TNIK: variants seen among roughly 807,000 people sequenced by gnomAD.
The protein encoded by TNIK is TRAF2 and NCK-interacting protein kinase.
A neutral mutation model predicts 191.3 loss-of-function variants in TNIK; 49 were observed. The observed-to-expected ratio is 0.26, with a 90% CI of 0.20 to 0.32. The LOEUF (loss-of-function observed/expected upper bound fraction) is 0.32, where lower values mean the gene tolerates loss of function less well. TNIK is among the 10% of genes least tolerant of loss of function. TNIK has a pLI of 1.00. For synonymous variants in TNIK, 594 were observed against 600.9 expected, an observed-to-expected ratio of 0.99 and a Z score of 0.17; for missense variants, 1,155 against 1,702.3, an observed-to-expected ratio of 0.68 and a Z score of 5.66.
chr3:171,290,928 G>T (rs914218422), intron 2 of TNIK, among the ~76,000 whole-genome samples: 1 of 152,206 alleles, frequency 6.6e-6, no homozygotes, highest in East Asian at 1.9e-4. Flanking sequence ...AATGATCAAC[G>T]ATCTTAGTAT....
intron 1 of TNIK, among the ~76,000 whole-genome samples, chr3:171,382,323 C>T (rs1718152643): frequency 6.7e-6 from 1 of 148,400 alleles, no homozygotes; most frequent in Non-Finnish European, 1.5e-5. Context: ...CGGGCTCAAG[C>T]AATTCTTCTG....
intron 2 of TNIK, among the ~76,000 whole-genome samples, chr3:171,297,154 C>T (rs1443751162): frequency 6.6e-6 from 1 of 152,136 alleles, no homozygotes; most frequent in Non-Finnish European, 1.5e-5. Context: ...GATAACTCCC[C>T]TTTCCAAAAG....
intron 2 of TNIK, among the ~76,000 whole-genome samples, chr3:171,292,058 C>T (rs1751747604): frequency 6.6e-6 from 1 of 152,146 alleles, no homozygotes; most frequent in Non-Finnish European, 1.5e-5. Context: ...ATTTTTAGAT[C>T]TAAGATTTCC....
intron 2 of TNIK, among the ~76,000 whole-genome samples, chr3:171,270,629 T>C (rs923832645): frequency 1.3e-5 from 2 of 152,172 alleles, no homozygotes; most frequent in Non-Finnish European, 2.9e-5. Context: ...TTTCCTGAAA[T>C]ACCCATCCCC....
chr3:171,272,016 G>T (rs539236381), intron 2 of TNIK, among the ~76,000 whole-genome samples: 1 of 152,272 alleles, frequency 6.6e-6, no homozygotes, highest in Admixed American at 6.5e-5. Context: ...TTTCTTTCTG[G>T]GAAGTTCAGG....
At chr3:171,345,398 A>G (rs1249619782) in intron 2 of TNIK, among the ~76,000 whole-genome samples, 1 of 152,172 alleles carries the variant, frequency 6.6e-6, no homozygotes, top group Non-Finnish European at 1.5e-5. Flanking sequence ...GCCACTTGAC[A>G]AAGAGCAAGC....
At chr3:171,357,198 T>A (rs1205682508) in intron 2 of TNIK, among the ~76,000 whole-genome samples, 2 of 152,224 alleles carry the variant, frequency 1.3e-5, no homozygotes, top group African/African-American at 4.8e-5. Flanking sequence ...TTATATTTTG[T>A]GTCAGTCTCC....
intron 10 of TNIK, among the ~76,000 whole-genome samples, chr3:171,162,678 T>A (rs948741081): frequency 2.6e-5 from 4 of 152,254 alleles, no homozygotes; most frequent in Admixed American, 2.0e-4. Context: ...CTAGATATTT[T>A]ACTCTGTTCT....
chr3:171,387,819 A>C (rs549521863), intron 1 of TNIK, among the ~76,000 whole-genome samples: 1 of 152,312 alleles, frequency 6.6e-6, no homozygotes, highest in East Asian at 1.9e-4. Context: ...GCCAGGAAAC[A>C]TTAGTTCTCC....
At chr3:171,390,829 T>C (rs563969932) in intron 1 of TNIK, among the ~76,000 whole-genome samples, 2 of 152,340 alleles carry the variant, frequency 1.3e-5, no homozygotes, top group East Asian at 3.9e-4. Context: ...CCAGCAGTTC[T>C]TAACCTGTGC....
intron 1 of TNIK, among the ~76,000 whole-genome samples, chr3:171,399,919 A>G (rs1458104847): frequency 6.6e-6 from 1 of 152,198 alleles, no homozygotes; most frequent in African/African-American, 2.4e-5. Flanking sequence ...TAAAAATCAA[A>G]GCAGAAAGGA....
intron 22 of TNIK, among the ~76,000 whole-genome samples, chr3:171,097,688 CT>C (rs539455162): frequency 1.6e-4 from 25 of 152,332 alleles, no homozygotes; most frequent in South Asian, 6.2e-4. Flanking sequence ...TGAGGCCCCC[CT>C]AGCCATGTGG....
chr3:171,165,671 A>G (rs1479551999), intron 10 of TNIK, among the ~76,000 whole-genome samples: 23 of 152,182 alleles, frequency 1.5e-4, no homozygotes, highest in Admixed American at 1.5e-3. Flanking sequence ...TGAACTGAAG[A>G]GAGGAGAGAA....
rs1576939200 is a variant in TNIK, at chr3:171,140,383, CT to C, written c.1332+15del. 1 of 1,532,872 alleles carries C rather than the reference CT, an allele frequency of 6.5e-7. No individual in the cohort carries two copies. Among genetic ancestry groups the C allele is most frequent in the East Asian group, 2.4e-5 (1 of 42,266 alleles). 95.0% of individuals were successfully genotyped at this position (1,532,872 alleles called of 1,614,324 possible). On this transcript the variant is annotated intron_variant, in intron 13 of 32. Transcript: ENST00000436636. ...CCCCGGGGGGCCATCAGTGGGGCTC[CT>C]GGTCCCAGCTGTACCTGTTCATGCT...
At chr3:171,398,046 T>TA (rs1720469897) in intron 1 of TNIK, among the ~76,000 whole-genome samples, 1 of 152,188 alleles carries the variant, frequency 6.6e-6, no homozygotes, top group African/African-American at 2.4e-5. Context: ...AGAAAGAAAA[T>TA]ACAACAGGCT....
At chr3:171,211,463 G>C (rs1221525088) in intron 3 of TNIK, among the ~76,000 whole-genome samples, 1 of 151,982 alleles carries the variant, frequency 6.6e-6, no homozygotes, top group East Asian at 1.9e-4. Flanking sequence ...CAATCTCTTG[G>C]AAAACAAAAC....
At chr3:171,303,769 T>C (rs1444905113) in intron 2 of TNIK, among the ~76,000 whole-genome samples, 5 of 152,278 alleles carry the variant, frequency 3.3e-5, no homozygotes, top group Middle Eastern at 3.4e-3. Flanking sequence ...TAGGTATGAG[T>C]AAACACTCTA....
At chr3:171,441,554 AGTT>A (rs757223186) in intron 1 of TNIK, among the ~76,000 whole-genome samples, 1 of 152,168 alleles carries the variant, frequency 6.6e-6, no homozygotes, top group Non-Finnish European at 1.5e-5. Flanking sequence ...CCTATCCATC[AGTT>A]GATAGACATT....
chr3:171,259,194 C>G (rs1467768833), intron 2 of TNIK, among the ~76,000 whole-genome samples: 1 of 152,114 alleles, frequency 6.6e-6, no homozygotes, highest in African/African-American at 2.4e-5. Context: ...GGGAATAAAT[C>G]TCAAACCTGG....
Sources: allele counts gnomAD v4.1 joint callset (sites outside exome capture counted in the v4.1 genomes callset), GRCh38; gene constraint gnomAD v4.1.1; transcripts MANE v1.5; gene names NCBI Gene and HGNC (gene_info 2026-07-23, HGNC 2026-07-21).